NTRK3: variants seen among roughly 807,000 people sequenced by gnomAD.
The protein encoded by NTRK3 is neurotrophic receptor tyrosine kinase 3.
A neutral mutation model predicts 91.7 loss-of-function variants in NTRK3; 24 were observed. The ratio of observed to expected loss-of-function variants is 0.26; its 90% CI spans 0.19 to 0.37. NTRK3 has a LOEUF of 0.37. Ranked by LOEUF, NTRK3 falls within the 10% of genes least tolerant of loss-of-function variation. The pLI is 1.00. For synonymous variants in NTRK3, 483 were observed against 404.0 expected, an observed-to-expected ratio of 1.20 and a Z score of -2.34; for missense variants, 880 against 1,068.9, an observed-to-expected ratio of 0.82 and a Z score of 2.46.
chr15:88,149,892 T>C (rs1567532486), intron 5 of NTRK3, among the ~76,000 whole-genome samples: 1 of 152,244 alleles, frequency 6.6e-6, no homozygotes. Context: ...TCTTCTGTTT[T>C]GCTCTATTTT....
Position 88,240,397 on chromosome 15 carries a change from G to A in NTRK3, c.248+15509C>T, listed in dbSNP as rs1266788392. Among the ~76,000 whole-genome samples the A allele has an allele frequency of 1.3e-5, 2 of 152,118 alleles. No homozygotes were observed. The highest frequency in any genetic ancestry group is 1.5e-5 in the Non-Finnish European group (1 of 68,036). ...TGCCCTGACGCAGGGGACATTCTGT[G>A]AGGATGTGGCCAAAAACACCTGTGT... is the stretch of plus-strand genomic sequence containing the variant. On this transcript the variant is annotated intron_variant, in intron 3 of 18. Coordinates refer to ENST00000394480, the Ensembl canonical transcript of NTRK3. This position sits in a 1 kb window ranked among gnomAD's most constrained non-coding sequence, Gnocchi z 4.9.
At position 87,876,760 on chromosome 15, in the gene NTRK3, T is replaced by A. The variant is rs182178380; in HGVS notation, c.*175A>T. ...ATATTTGCCAAACTGCCTTACAGGGTTTTTTTTTCTTTCTTTTTTTTTCCT... is the reference window on the plus strand; with the variant it reads ...ATATTTGCCAAACTGCCTTACAGGGATTTTTTTTCTTTCTTTTTTTTTCCT... On this transcript the variant is annotated 3_prime_UTR_variant, in exon 19 of 19. Transcript: ENST00000394480. The A allele has an allele frequency of 6.7e-4, 377 of 566,070 alleles. 2 individuals carry two copies. In the African/African-American group the frequency reaches 6.7e-3, roughly 10 times the overall value. The allele number at this position is 566,070 out of a possible 1,614,324, so 35.1% of individuals were successfully genotyped here. A position where few individuals can be genotyped will look rare whatever the true frequency, so the allele number is the denominator to read the frequency against.
intron 17 of NTRK3, among the ~76,000 whole-genome samples, chr15:87,891,353 T>G (rs998547250): frequency 6.6e-6 from 1 of 152,186 alleles, no homozygotes; most frequent in Non-Finnish European, 1.5e-5. Flanking sequence ...CTTTTAATTT[T>G]TAGGACTTGC....
intron 14 of NTRK3, among the ~76,000 whole-genome samples, chr15:87,964,649 G>A (rs945821915): frequency 2.0e-5 from 3 of 152,070 alleles, no homozygotes; most frequent in Non-Finnish European, 2.9e-5. Context: ...GTTAATCCCT[G>A]CTTCCAACCC....
chr15:88,002,791 A>AAT (rs1467862449), intron 14 of NTRK3, among the ~76,000 whole-genome samples: 2 of 152,036 alleles, frequency 1.3e-5, no homozygotes, highest in African/African-American at 4.8e-5. Flanking sequence ...AACAAGCATG[A>AAT]CTAACCAGGT....
intron 17 of NTRK3, among the ~76,000 whole-genome samples, chr15:87,915,952 G>C (rs769412052): frequency 6.6e-6 from 1 of 152,092 alleles, no homozygotes; most frequent in Non-Finnish European, 1.5e-5. Flanking sequence ...TGGGTGCTCG[G>C]CCCATCTGCT....
At chr15:87,934,208 T>C (rs1181516984) in intron 15 of NTRK3, among the ~76,000 whole-genome samples, 3 of 152,132 alleles carry the variant, frequency 2.0e-5, no homozygotes, top group African/African-American at 4.8e-5. Context: ...CTTATGCAGG[T>C]GGGCGCCCCG....
chr15:87,929,483 C>G (rs2141918014), intron 16 of NTRK3, 49 bp from the exon 17 acceptor site: 2 of 1,605,900 alleles, frequency 1.2e-6, no homozygotes, highest in Non-Finnish European at 1.7e-6. Flanking sequence ...ATCAGGAGAT[C>G]AAGGAGAAAG....
At chr15:87,868,417 A>G (rs2064744994) in exon 19 of NTRK3, 3 of 222,444 alleles carry the variant, frequency 1.3e-5, no homozygotes, top group Non-Finnish European at 2.7e-5. Flanking sequence ...ACCTAAGAAT[A>G]TGCAAGGAGA....
At chr15:88,019,949 G>A (rs1410111440) in intron 14 of NTRK3, among the ~76,000 whole-genome samples, 4 of 152,156 alleles carry the variant, frequency 2.6e-5, no homozygotes, top group Non-Finnish European at 1.5e-5. Context: ...TCAGACATAT[G>A]TACATTTGTG....
At chr15:87,889,484 A>T (rs2141554976) in intron 17 of NTRK3, among the ~76,000 whole-genome samples, 1 of 141,372 alleles carries the variant, frequency 7.1e-6, no homozygotes, top group South Asian at 2.2e-4. Flanking sequence ...AGCTCACTGC[A>T]ACCTCCACCT....
chr15:87,893,871 C>G (rs2065970319), intron 17 of NTRK3, among the ~76,000 whole-genome samples: 1 of 152,150 alleles, frequency 6.6e-6, no homozygotes, highest in African/African-American at 2.4e-5. Context: ...GGGATTCAAG[C>G]TTCCTCTGTA....
intron 17 of NTRK3, among the ~76,000 whole-genome samples, chr15:87,902,286 A>G (rs553349329): frequency 2.2e-3 from 342 of 152,306 alleles, no homozygotes; most frequent in Non-Finnish European, 3.2e-3. Context: ...TAGAAATGGC[A>G]CTGATAATTT....
In NTRK3 at chr15:88,034,353, G is replaced by GAA. The variant is rs1379766291; in HGVS notation, c.1397-1310_1397-1309dup. 4.6e-5 allele frequency among the ~76,000 whole-genome samples: 7 copies of GAA among 152,278 alleles called. No homozygotes were observed. The East Asian group carries it at 1.3e-3, about 29-fold the overall frequency. On this transcript the variant is annotated intron_variant, in intron 13 of 18. Transcript: ENST00000394480. ...TCCCACTTCTTTCTAACCCAAAGAAGAAATCCAGTAAGGACATACAGTTAC... is the reference window on the plus strand; with the variant it reads ...TCCCACTTCTTTCTAACCCAAAGAAGAAAAATCCAGTAAGGACATACAGTTAC...
At chr15:87,880,196 A>T (rs2065166282) in intron 18 of NTRK3, 74 bp downstream of exon 19, 1 of 1,584,006 alleles carries the variant, frequency 6.3e-7, no homozygotes, top group South Asian at 1.1e-5. Flanking sequence ...CTTGTTCAGT[A>T]GGTCCAAGTT....
intron 3 of NTRK3, among the ~76,000 whole-genome samples, chr15:88,216,107 G>T (rs2049742345): frequency 6.6e-6 from 1 of 152,158 alleles, no homozygotes; most frequent in Non-Finnish European, 1.5e-5. Flanking sequence ...TCATGGCTAG[G>T]GGATCTTAGT....
chr15:87,985,335 T>C (rs1289256572), intron 14 of NTRK3, among the ~76,000 whole-genome samples: 3 of 152,174 alleles, frequency 2.0e-5, no homozygotes, highest in African/African-American at 7.2e-5. Context: ...CAAAAGGTTG[T>C]TGAATGCCAA....
intron 3 of NTRK3, among the ~76,000 whole-genome samples, chr15:88,236,882 G>A (rs1671082496): frequency 6.6e-6 from 1 of 152,118 alleles, no homozygotes; most frequent in Admixed American, 6.5e-5. Context: ...GATGCTGACT[G>A]GGAAGAATGT....
intron 17 of NTRK3, among the ~76,000 whole-genome samples, chr15:87,894,182 C>T (rs1192302539): frequency 6.6e-6 from 1 of 152,200 alleles, no homozygotes; most frequent in Non-Finnish European, 1.5e-5. Flanking sequence ...CCCACATGCC[C>T]CAGTGGCCTT....
Sources: allele counts gnomAD v4.1 joint callset (sites outside exome capture counted in the v4.1 genomes callset), GRCh38; gene constraint gnomAD v4.1.1; non-coding constraint Gnocchi (gnomAD v3.1); transcripts MANE v1.5; gene names NCBI Gene and HGNC (gene_info 2026-07-23, HGNC 2026-07-21).